The following NSUN6 variants were observed in gnomAD, a reference collection of about 807,000 sequenced individuals.
The protein encoded by NSUN6 is tRNA (cytosine(72)-C(5))-methyltransferase NSUN6.
In NSUN6, 64 loss-of-function variants were observed where a neutral mutation model predicts 58.0. The ratio of observed to expected loss-of-function variants is 1.10; its 90% CI spans 0.90 to 1.36. NSUN6 has a LOEUF of 1.36. Ranked by LOEUF, NSUN6 falls within the 40% of genes most tolerant of loss-of-function variation. The probability of loss-of-function intolerance (pLI) is 0.00; values close to 1 mark genes in which losing one functional copy is unlikely to be tolerated. For synonymous variants in NSUN6, 231 were observed against 193.9 expected, an observed-to-expected ratio of 1.19 and a Z score of -1.59; for missense variants, 701 against 550.1, an observed-to-expected ratio of 1.27 and a Z score of -2.74.
chr10:18,547,108 G>A (rs988821004), intron 10 of NSUN6, among the ~76,000 whole-genome samples: 1 of 152,184 alleles, frequency 6.6e-6, no homozygotes, highest in Admixed American at 6.5e-5. Flanking sequence ...CATAAGAAAG[G>A]AAACATAATT....
In NSUN6 at chr10:18,634,880, G is replaced by A. The variant is rs183949163; in HGVS notation, c.311+7596C>T. 7.2e-5 allele frequency among the ~76,000 whole-genome samples: 11 copies of A among 152,204 alleles called. No homozygotes were observed. The East Asian group carries it at 1.4e-3, about 19-fold the overall frequency. On this transcript the variant is annotated intron_variant, in intron 3 of 10. Transcript: ENST00000377304. ...GTTAAAGTAACAGGCTGGAGACTGC[G>A]GTTCTTAGAAAGGGTTGCTTGAGAG...
intron 3 of NSUN6, among the ~76,000 whole-genome samples, chr10:18,617,111 A>T (rs551751064): frequency 6.6e-6 from 1 of 151,644 alleles, no homozygotes; most frequent in African/African-American, 2.4e-5. Flanking sequence ...CTTGCATTCT[A>T]TCCCTTGGCA....
chr10:18,610,019 A>T (rs1161658494), intron 5 of NSUN6, 93 bp from the exon 6 acceptor site: 1 of 775,636 alleles, frequency 1.3e-6, no homozygotes, highest in Non-Finnish European at 2.3e-6. Flanking sequence ...CCTGTCAAAC[A>T]TAAGATGCTC....
Position 18,559,060 on chromosome 10 carries a change from T to TATGGAGAATGGAATGGA in NSUN6, c.923-7106_923-7090dup, listed in dbSNP as rs1253787959. Among the ~76,000 whole-genome samples, 13 of 142,172 alleles carry TATGGAGAATGGAATGGA rather than the reference T, an allele frequency of 9.1e-5. No homozygotes were observed. The South Asian group carries it at 2.7e-3, about 30-fold the overall frequency. The allele number at this position is 142,172 out of a possible 152,430, so 93.3% of individuals were successfully genotyped here. A position where few individuals can be genotyped will look rare whatever the true frequency, so the allele number is the denominator to read the frequency against. On this transcript the variant is annotated intron_variant, in intron 8 of 10. Transcript: ENST00000377304. The stretch of plus-strand genomic sequence containing the variant: ...GAGTGAAGAATGGAATGGAGGATGG[T>TATGGAGAATGGAATGGA]ATGGAGAATGGAATGGAATGGAGAA...
intron 6 of NSUN6, among the ~76,000 whole-genome samples, chr10:18,599,969 C>T (rs2057740723): frequency 6.6e-6 from 1 of 152,042 alleles, no homozygotes; most frequent in Non-Finnish European, 1.5e-5. Context: ...TTTGGAAAAC[C>T]AAATAATATA....
Position 18,615,106 on chromosome 10 carries a change from C to CATATATATAT in NSUN6, c.422-503_422-494dup, listed in dbSNP as rs5783616. 1.7e-3 allele frequency among the ~76,000 whole-genome samples: 252 copies of CATATATATAT among 147,056 alleles called. 2 individuals carry two copies. Among genetic ancestry groups the CATATATATAT allele is most frequent in the South Asian group, 4.5e-3 (21 of 4,630 alleles). ...TTAATGATAAGCATATATAGTCATT[C>CATATATATAT]ATATATATATATATATATATATACA... On this transcript the variant is annotated intron_variant, in intron 4 of 10. Coordinates refer to ENST00000377304, the MANE Select transcript of NSUN6 (RefSeq NM_182543.5).
chr10:18,549,565 G>A (rs1037539898), intron 9 of NSUN6, among the ~76,000 whole-genome samples: 6 of 151,974 alleles, frequency 3.9e-5, no homozygotes, highest in Non-Finnish European at 5.9e-5. Flanking sequence ...TGGAAACCTC[G>A]TGAATAAGGG....
chr10:18,659,181 C>G (rs1352813711), upstream of NSUN6: 1 of 165,780 alleles, frequency 6.0e-6, no homozygotes, highest in African/African-American at 2.4e-5. Context: ...ATTTCCCACC[C>G]CCCCGCGATA....
At chr10:18,553,746 A>G (rs1410583891) in intron 8 of NSUN6, among the ~76,000 whole-genome samples, 7 of 151,112 alleles carry the variant, frequency 4.6e-5, no homozygotes, top group Non-Finnish European at 7.4e-5. Flanking sequence ...ATGGAATAGA[A>G]TGCTGAATGG....
chr10:18,618,365 C>T (rs1220206575), intron 3 of NSUN6, among the ~76,000 whole-genome samples: 1 of 152,058 alleles, frequency 6.6e-6, no homozygotes, highest in African/African-American at 2.4e-5. Context: ...TATTCCTATT[C>T]TCTATACCTG....
At chr10:18,624,408 G>C (rs1192392982) in intron 3 of NSUN6, among the ~76,000 whole-genome samples, 1 of 151,980 alleles carries the variant, frequency 6.6e-6, no homozygotes, top group African/African-American at 2.4e-5. Context: ...GGGTGCGGTG[G>C]CTCATGCCTA....
At chr10:18,587,915 A>G (rs937638746) in intron 7 of NSUN6, among the ~76,000 whole-genome samples, 1 of 151,888 alleles carries the variant, frequency 6.6e-6, no homozygotes, top group South Asian at 2.1e-4. Context: ...CTGGAACCCC[A>G]GTAAGACAGA....
intron 8 of NSUN6, among the ~76,000 whole-genome samples, chr10:18,559,808 GGAAAAGA>G (rs146947043): frequency 0.35 from 51,982 of 149,926 alleles, 9,471 homozygotes; most frequent in East Asian, 0.73. Flanking sequence ...AGAATAGAAT[GGAAAAGA>G]GAATGGAATG....
chr10:18,577,062 G>A (rs763840467), intron 8 of NSUN6, among the ~76,000 whole-genome samples: 10 of 152,168 alleles, frequency 6.6e-5, no homozygotes, highest in Non-Finnish European at 1.5e-4. Flanking sequence ...TAAAAATGTA[G>A]ATTGGATACA....
At chr10:18,642,855 G>T (rs1333259828) in intron 2 of NSUN6, among the ~76,000 whole-genome samples, 1 of 152,070 alleles carries the variant, frequency 6.6e-6, no homozygotes, top group Admixed American at 6.6e-5. Context: ...ATTTAATATA[G>T]AATTACATGT....
chr10:18,586,598 G>T (rs1287081322), intron 7 of NSUN6, among the ~76,000 whole-genome samples: 1 of 151,774 alleles, frequency 6.6e-6, no homozygotes, highest in East Asian at 1.9e-4. Flanking sequence ...GTCCAGAGTT[G>T]TTTGTTCCTC....
chr10:18,559,857 GT>G (rs1160316002), intron 8 of NSUN6, among the ~76,000 whole-genome samples: 1 of 148,766 alleles, frequency 6.7e-6, no homozygotes, highest in Non-Finnish European at 1.5e-5. Context: ...ATGGAATGCA[GT>G]GGGGATTTGA....
chr10:18,595,781 T>G (rs1176712756), intron 7 of NSUN6, among the ~76,000 whole-genome samples: 2 of 152,146 alleles, frequency 1.3e-5, no homozygotes, highest in African/African-American at 4.8e-5. Flanking sequence ...TAGTAAATAT[T>G]CTATATGTAT....
intron 8 of NSUN6, among the ~76,000 whole-genome samples, chr10:18,558,813 G>A (rs556765495): frequency 2.0e-4 from 30 of 150,358 alleles, no homozygotes; most frequent in African/African-American, 7.2e-4. Context: ...GGAATGGAAG[G>A]GAGAATGGAA....
Sources: gnomAD v4.1 joint callset for allele counts (sites outside exome capture counted in the v4.1 genomes callset) on GRCh38, gnomAD v4.1.1 for gene constraint, MANE v1.5 for transcripts, NCBI Gene and HGNC (gene_info 2026-07-23, HGNC 2026-07-21) for gene names.